Variants in EYS observed in about 807,000 individuals in gnomAD.
EYS encodes protein eyes shut homolog.
EYS carries 250 observed loss-of-function variants against 282.1 expected under a neutral mutation model. The observed-to-expected ratio is 0.89, with a 90% CI of 0.80 to 0.98. The LOEUF (loss-of-function observed/expected upper bound fraction) is 0.98. Among genes scored for constraint, EYS ranks in the 50% least tolerant of loss-of-function variants. The probability of loss-of-function intolerance (pLI) is 0.00; values close to 1 mark genes in which losing one functional copy is unlikely to be tolerated. For missense variants in EYS, 4,016 were observed against 3,709.0 expected, an observed-to-expected ratio of 1.08 and a Z score of -2.15; for synonymous variants, 1,355 against 1,282.9, an observed-to-expected ratio of 1.06 and a Z score of -1.20.
chr6:64,273,250 T>G (rs530310818), intron 30 of EYS, among the ~76,000 whole-genome samples: 4 of 152,186 alleles, frequency 2.6e-5, no homozygotes, highest in Non-Finnish European at 4.4e-5. Flanking sequence ...TTTTATTGAA[T>G]GTCTTTAGTA....
intron 22 of EYS, among the ~76,000 whole-genome samples, chr6:64,696,363 G>A (rs73440886): frequency 0.021 from 3,180 of 152,218 alleles, 114 homozygotes; most frequent in African/African-American, 0.072. Flanking sequence ...GAGAAGTATG[G>A]AACTACATGA....
chr6:65,150,699 C>G (rs1764591668), intron 12 of EYS, among the ~76,000 whole-genome samples: 4 of 46,760 alleles, frequency 8.6e-5, no homozygotes. Context: ...ATATCACTCT[C>G]TAGAGCATTT....
intron 26 of EYS, among the ~76,000 whole-genome samples, chr6:64,555,428 A>C (rs1185732154): frequency 6.6e-6 from 1 of 151,876 alleles, no homozygotes; most frequent in Non-Finnish European, 1.5e-5. Context: ...AAGATACCTA[A>C]TGTATGACAC....
intron 36 of EYS, among the ~76,000 whole-genome samples, chr6:63,834,853 C>A (rs1171308619): frequency 1.3e-5 from 2 of 151,572 alleles, no homozygotes; most frequent in African/African-American, 2.4e-5. Flanking sequence ...ACATATACAC[C>A]ATGGAATACT....
chr6:65,251,876 C>CT (rs1210824309), intron 12 of EYS, among the ~76,000 whole-genome samples: 4 of 151,868 alleles, frequency 2.6e-5, no homozygotes, highest in Non-Finnish European at 5.9e-5. Context: ...TGCCACATCC[C>CT]TTTTTTTGTT....
chr6:63,881,320 A>C (rs968642485), intron 35 of EYS, among the ~76,000 whole-genome samples: 1 of 152,318 alleles, frequency 6.6e-6, no homozygotes, highest in Non-Finnish European at 1.5e-5. Context: ...TATAGCACAG[A>C]AATAGAACTG....
At chr6:64,287,732 T>C (rs1768552116) in intron 30 of EYS, among the ~76,000 whole-genome samples, 1 of 152,168 alleles carries the variant, frequency 6.6e-6, no homozygotes, top group Non-Finnish European at 1.5e-5. Flanking sequence ...ATATCTTCAC[T>C]GTCCTCCAGA....
intron 11 of EYS, among the ~76,000 whole-genome samples, chr6:65,300,343 T>C (rs1768783671): frequency 6.6e-6 from 1 of 152,204 alleles, no homozygotes; most frequent in Non-Finnish European, 1.5e-5. Context: ...CTTGACTTCC[T>C]ATTTTAAGCG....
At chr6:63,777,925 G>T in intron 40 of EYS, 81 bp downstream of exon 40, 2 of 1,265,184 alleles carry the variant, frequency 1.6e-6, no homozygotes, top group Non-Finnish European at 2.2e-6. Context: ...TTCCTAGTTT[G>T]TACAAGTGGA....
chr6:64,769,591 T>G (rs1263254172), intron 22 of EYS, among the ~76,000 whole-genome samples: 1 of 152,014 alleles, frequency 6.6e-6, no homozygotes, highest in African/African-American at 2.4e-5. Context: ...TACAGACACA[T>G]GTAGTAAATA....
At chr6:63,932,571 C>A (rs1562101891) in intron 35 of EYS, among the ~76,000 whole-genome samples, 1 of 152,134 alleles carries the variant, frequency 6.6e-6, no homozygotes, top group Non-Finnish European at 1.5e-5. Context: ...GATGTTCTTT[C>A]TTCTTCTCTC....
intron 31 of EYS, among the ~76,000 whole-genome samples, chr6:64,099,355 T>C (rs1197831588): frequency 6.6e-6 from 1 of 152,236 alleles, no homozygotes. Flanking sequence ...TAAATAATGT[T>C]TTCTTTACCT....
At chr6:63,832,286 T>G (rs1771663568) in intron 36 of EYS, among the ~76,000 whole-genome samples, 2 of 152,220 alleles carry the variant, frequency 1.3e-5, no homozygotes, top group Non-Finnish European at 2.9e-5. Context: ...GAGCTGGTTT[T>G]TTGAAAAGAT....
At chr6:64,756,132 C>T (rs1198952135) in intron 22 of EYS, among the ~76,000 whole-genome samples, 1 of 152,042 alleles carries the variant, frequency 6.6e-6, no homozygotes, top group Non-Finnish European at 1.5e-5. Flanking sequence ...CCCCAAAATT[C>T]TTTAGGTATT....
In EYS at chr6:65,249,032, G is replaced by C. The variant is rs116796434; in HGVS notation, c.2023+46831C>G. The stretch of plus-strand genomic sequence containing the variant: ...TAAGTTGATTTAAGAATATTTTCTG[G>C]GTTTAGTAAAATGTGTCCTATAAAA... On this transcript the variant is annotated intron_variant, in intron 12 of 42. Coordinates refer to ENST00000503581, the MANE Select transcript of EYS (RefSeq NM_001142800.2). Among the ~76,000 whole-genome samples, 634 of 151,244 alleles carry C rather than the reference G, an allele frequency of 4.2e-3. 5 individuals carry two copies. Among genetic ancestry groups the C allele is most frequent in the African/African-American group, 0.014 (572 of 41,250 alleles).
chr6:65,263,481 C>T (rs12201872), intron 12 of EYS, among the ~76,000 whole-genome samples: 6,405 of 151,972 alleles, frequency 0.042, 185 homozygotes, highest in Middle Eastern at 0.065. Flanking sequence ...AAAGAAATAG[C>T]TCTTCCAAAA....
chr6:64,757,744 TTG>T (rs66825340), intron 22 of EYS, among the ~76,000 whole-genome samples: 23,453 of 139,558 alleles, frequency 0.17, 2,029 homozygotes, highest in Admixed American at 0.28. Flanking sequence ...CTTTTTTTCT[TTG>T]TGTGTGTGTG....
At chr6:64,052,673 A>G (rs1770847732) in intron 33 of EYS, among the ~76,000 whole-genome samples, 1 of 152,150 alleles carries the variant, frequency 6.6e-6, no homozygotes, top group Non-Finnish European at 1.5e-5. Context: ...CCTGAATTGT[A>G]ATAATCCTCA....
chr6:64,145,874 A>C (rs1774503627), intron 31 of EYS, among the ~76,000 whole-genome samples: 1 of 152,136 alleles, frequency 6.6e-6, no homozygotes, highest in Non-Finnish European at 1.5e-5. Flanking sequence ...ATTTATCATA[A>C]AGCTCATGTA....
Sources: allele counts gnomAD v4.1 joint callset (sites outside exome capture counted in the v4.1 genomes callset), GRCh38; gene constraint gnomAD v4.1.1; transcripts MANE v1.5; gene names NCBI Gene and HGNC (gene_info 2026-07-23, HGNC 2026-07-21).